The following SYT9 variants were observed in gnomAD, a reference collection of about 807,000 sequenced individuals.
The protein encoded by SYT9 is synaptotagmin-9.
Under a neutral mutation model 48.4 loss-of-function variants are expected in SYT9, and 22 were observed. That is an observed-to-expected ratio of 0.45 (90% CI 0.32 to 0.65). The LOEUF (loss-of-function observed/expected upper bound fraction) is 0.65. Among genes scored for constraint, SYT9 ranks in the 30% least tolerant of loss-of-function variants. The pLI is 0.03. For synonymous variants in SYT9, 265 were observed against 245.0 expected (o/e 1.08, Z -0.76); for missense variants, 577 against 622.0 (o/e 0.93, Z 0.77).
intron 1 of SYT9, among the ~76,000 whole-genome samples, chr11:7,259,897 A>C (rs1243361989): frequency 6.6e-6 from 1 of 152,246 alleles, no homozygotes. Flanking sequence ...TGGTTCAATA[A>C]ATAGGGATTC....
intron 1 of SYT9, among the ~76,000 whole-genome samples, chr11:7,241,280 T>G (rs1271591972): frequency 6.6e-6 from 1 of 150,498 alleles, no homozygotes; most frequent in Non-Finnish European, 1.5e-5. Flanking sequence ...ATCTTAGAGA[T>G]CTATATGAAA....
intron 6 of SYT9, among the ~76,000 whole-genome samples, chr11:7,431,439 T>C (rs1847568030): frequency 2.0e-5 from 3 of 152,166 alleles, no homozygotes; most frequent in African/African-American, 4.8e-5. Context: ...CAGCCTACCG[T>C]GTGGCAGTAA....
intron 3 of SYT9, among the ~76,000 whole-genome samples, chr11:7,394,100 A>C (rs1589994447): frequency 6.6e-6 from 1 of 151,688 alleles, no homozygotes; most frequent in East Asian, 2.0e-4. Flanking sequence ...TCCTAATGCT[A>C]TCCCTCCCCC....
chr11:7,383,841 A>G (rs751285570), intron 3 of SYT9, among the ~76,000 whole-genome samples: 17 of 152,140 alleles, frequency 1.1e-4, no homozygotes, highest in Non-Finnish European at 2.1e-4. Context: ...CTTGCACTAT[A>G]TGTCTAGGCT....
chr11:7,326,497 T>C (rs1849438078), intron 3 of SYT9, among the ~76,000 whole-genome samples: 1 of 150,714 alleles, frequency 6.6e-6, no homozygotes, highest in African/African-American at 2.5e-5. Context: ...ATTTGATTCT[T>C]CTCTCTTTTT....
At chr11:7,297,867 A>G (rs763978373) in intron 1 of SYT9, among the ~76,000 whole-genome samples, 13 of 152,080 alleles carry the variant, frequency 8.5e-5, no homozygotes, top group East Asian at 1.9e-4. Flanking sequence ...TCAATTATCT[A>G]TGGTTTCTGG....
intron 3 of SYT9, among the ~76,000 whole-genome samples, chr11:7,334,149 G>T (rs1849592660): frequency 6.6e-6 from 1 of 152,130 alleles, no homozygotes; most frequent in Non-Finnish European, 1.5e-5. Flanking sequence ...AACAGTTTTG[G>T]CAAGTTCAGG....
At chr11:7,425,230 C>T (rs377151698) in intron 6 of SYT9, among the ~76,000 whole-genome samples, 24 of 152,102 alleles carry the variant, frequency 1.6e-4, no homozygotes, top group African/African-American at 5.8e-4. Flanking sequence ...CTGGACCTAC[C>T]TCAGCAGGAG....
At chr11:7,465,599 C>T (rs1448188208) in intron 6 of SYT9, among the ~76,000 whole-genome samples, 4 of 152,220 alleles carry the variant, frequency 2.6e-5, no homozygotes, top group Admixed American at 2.6e-4. Context: ...CTGGGGCTTC[C>T]TTAAGAGAGC....
At chr11:7,387,347 TAATAA>T (rs749251047) in intron 3 of SYT9, among the ~76,000 whole-genome samples, 46 of 152,056 alleles carry the variant, frequency 3.0e-4, no homozygotes, top group Middle Eastern at 3.4e-3. Flanking sequence ...TAAACAAAAA[TAATAA>T]AATAAAATGT....
At chr11:7,459,797 G>A (rs1232449272) in intron 6 of SYT9, among the ~76,000 whole-genome samples, 1 of 152,164 alleles carries the variant, frequency 6.6e-6, no homozygotes, top group Non-Finnish European at 1.5e-5. Context: ...TGACAATGGA[G>A]GCAGGAATTG....
intron 1 of SYT9, among the ~76,000 whole-genome samples, chr11:7,271,549 T>G (rs1848296049): frequency 6.6e-6 from 1 of 152,132 alleles, no homozygotes; most frequent in African/African-American, 2.4e-5. Context: ...ACTGCTGACT[T>G]CAGAATATTC....
intron 6 of SYT9, among the ~76,000 whole-genome samples, chr11:7,447,426 C>T (rs1031960670): frequency 6.6e-6 from 1 of 152,204 alleles, no homozygotes; most frequent in Non-Finnish European, 1.5e-5. Flanking sequence ...CTTCTAGTAC[C>T]CTGGCAACAC....
intron 6 of SYT9, among the ~76,000 whole-genome samples, chr11:7,464,247 T>C (rs1295045108): frequency 6.6e-6 from 1 of 152,126 alleles, no homozygotes; most frequent in Non-Finnish European, 1.5e-5. Flanking sequence ...TAGGAAACCA[T>C]AAGTGGGATG....
chr11:7,388,852 C>T (rs1298258783), intron 3 of SYT9, among the ~76,000 whole-genome samples: 1 of 152,134 alleles, frequency 6.6e-6, no homozygotes, highest in Admixed American at 6.6e-5. Context: ...GCCAGCCCTA[C>T]TGTTAACTAA....
chr11:7,365,770 T>C (rs550966835), intron 3 of SYT9, among the ~76,000 whole-genome samples: 1 of 152,368 alleles, frequency 6.6e-6, no homozygotes, highest in South Asian at 2.1e-4. Context: ...AGTTATTGTT[T>C]TAGTTACCAA....
In SYT9 at chr11:7,469,008, C is replaced by A. The variant is rs765792070; in HGVS notation, c.*2208C>A. 5.3e-5 allele frequency: 8 copies of A among 152,176 alleles called. No individual in the cohort carries two copies. Among genetic ancestry groups the A allele is most frequent in the Non-Finnish European group, 1.0e-4 (7 of 68,048 alleles). 9.4% of individuals were successfully genotyped at this position (152,176 alleles called of 1,614,324 possible). ...GTTCTCTTGCATTCTGTTTGGTTGC[C>A]CTTTAGTTTCCTAGTAAATGCTCCT... is the stretch of plus-strand genomic sequence containing the variant. On this transcript the variant is annotated 3_prime_UTR_variant, in exon 7 of 7. Transcript: ENST00000318881.
chr11:7,302,693 A>G (rs1356029157), intron 1 of SYT9, among the ~76,000 whole-genome samples: 2 of 152,224 alleles, frequency 1.3e-5, no homozygotes, highest in African/African-American at 4.8e-5. Flanking sequence ...AAAAACATTA[A>G]TGATTGGTGC....
At chr11:7,333,319 G>GCCA (rs1285433529) in intron 3 of SYT9, among the ~76,000 whole-genome samples, 1 of 152,152 alleles carries the variant, frequency 6.6e-6, no homozygotes, top group African/African-American at 2.4e-5. Context: ...GAGAATCTAG[G>GCCA]CCACTGCTTT....
Sources: gnomAD v4.1 joint callset for allele counts (sites outside exome capture counted in the v4.1 genomes callset) on GRCh38, gnomAD v4.1.1 for gene constraint, MANE v1.5 for transcripts, NCBI Gene and HGNC (gene_info 2026-07-23, HGNC 2026-07-21) for gene names.